The following FAM171A1 variants were observed in gnomAD, a reference collection of about 807,000 sequenced individuals.
FAM171A1 encodes the protein family with sequence similarity 171 member A1.
FAM171A1 carries 23 observed loss-of-function variants against 74.9 expected under a neutral mutation model. That is an observed-to-expected ratio of 0.31 (90% CI 0.22 to 0.44). The LOEUF is 0.44. Ranked by LOEUF, FAM171A1 falls within the 20% of genes least tolerant of loss-of-function variation. The pLI is 1.00. For missense variants in FAM171A1, 1,162 were observed against 1,159.2 expected (o/e 1.00, Z -0.03); for synonymous variants, 527 against 505.7 (o/e 1.04, Z -0.57).
intron 2 of FAM171A1, among the ~76,000 whole-genome samples, chr10:15,281,012 A>G (rs986032769): frequency 6.6e-6 from 1 of 152,186 alleles, no homozygotes; most frequent in Admixed American, 6.5e-5. Flanking sequence ...TGATTGGATC[A>G]CGGGGGCAGT....
intron 1 of FAM171A1, among the ~76,000 whole-genome samples, chr10:15,344,871 T>C (rs148155430): frequency 8.6e-4 from 131 of 152,344 alleles, no homozygotes; most frequent in African/African-American, 3.1e-3. Context: ...TTCATAGGCA[T>C]AGGGGCCACC....
At chr10:15,231,214 T>A (rs1205255466) in intron 5 of FAM171A1, among the ~76,000 whole-genome samples, 1 of 152,058 alleles carries the variant, frequency 6.6e-6, no homozygotes, top group African/African-American at 2.4e-5. Context: ...TTATTTTATT[T>A]TTTTTTTTGA....
intron 1 of FAM171A1, among the ~76,000 whole-genome samples, chr10:15,301,297 C>T (rs1353657035): frequency 3.3e-5 from 5 of 151,620 alleles, no homozygotes; most frequent in African/African-American, 4.8e-5. Context: ...CTCAGCCTCT[C>T]GAGTAGCTGG....
rs1833905987 is a variant in FAM171A1 at position 15,212,724 on chromosome 10, G to C, written c.*191C>G. The C allele has an allele frequency of 1.2e-6, 1 of 834,380 alleles. No individual in the cohort carries two copies. Among genetic ancestry groups the C allele is most frequent in the African/African-American group, 1.7e-5 (1 of 58,416 alleles). 51.7% of individuals were successfully genotyped at this position (834,380 alleles called of 1,614,324 possible). A position where few individuals can be genotyped will look rare whatever the true frequency, so the allele number is the denominator to read the frequency against. On this transcript the variant is annotated 3_prime_UTR_variant, in exon 8 of 8. Coordinates refer to ENST00000378116, the MANE Select transcript of FAM171A1 (RefSeq NM_001010924.2). ...CCTTGCAGGGGCGACATCCGCCAAA[G>C]TCATCCTTTATTCCGAGTAATAACT...
intron 5 of FAM171A1, among the ~76,000 whole-genome samples, chr10:15,227,864 T>C (rs2131724817): frequency 6.6e-6 from 1 of 152,332 alleles, no homozygotes. Flanking sequence ...TTAACTACAA[T>C]GATTATTACA....
intron 3 of FAM171A1, among the ~76,000 whole-genome samples, chr10:15,262,182 T>C (rs1834666412): frequency 6.6e-6 from 1 of 152,124 alleles, no homozygotes; most frequent in South Asian, 2.1e-4. Flanking sequence ...GAGTTACCGG[T>C]AGGGAAGTGA....
At chr10:15,216,308 C>T (rs544242349) in intron 6 of FAM171A1, among the ~76,000 whole-genome samples, 198 bp from the exon 7 acceptor site, 1 of 152,334 alleles carries the variant, frequency 6.6e-6, no homozygotes, top group Non-Finnish European at 1.5e-5. Flanking sequence ...ATTATGGAAG[C>T]TCCCACAGCC....
At chr10:15,370,124 C>T (rs950633887) in intron 1 of FAM171A1, among the ~76,000 whole-genome samples, 5 of 151,924 alleles carry the variant, frequency 3.3e-5, no homozygotes, top group Non-Finnish European at 7.4e-5. Context: ...AAGACAGGCT[C>T]GTGGCCATTC....
At chr10:15,336,190 A>G (rs1342266164) in intron 1 of FAM171A1, among the ~76,000 whole-genome samples, 1 of 152,172 alleles carries the variant, frequency 6.6e-6, no homozygotes, top group Non-Finnish European at 1.5e-5. Context: ...GGGACAGAGA[A>G]ACCTAGAGTC....
chr10:15,373,084 C>G (rs981791045), upstream of FAM171A1, among the ~76,000 whole-genome samples: 1 of 152,144 alleles, frequency 6.6e-6, no homozygotes, highest in African/African-American at 2.4e-5. Context: ...ATGGCACTTG[C>G]CCAGTTGGCT....
chr10:15,348,080 C>G (rs528952237), intron 1 of FAM171A1, among the ~76,000 whole-genome samples: 5 of 152,054 alleles, frequency 3.3e-5, no homozygotes, highest in Non-Finnish European at 5.9e-5. Flanking sequence ...TGGGTTCAAG[C>G]GAGTCTCCTG....
chr10:15,216,125 A>G lies in FAM171A1; in HGVS notation c.872-15T>C, dbSNP rs1474854828. On this transcript the variant is annotated splice_polypyrimidine_tract_variant and intron_variant, in intron 6 of 7. Transcript: ENST00000378116. ...TACAACGGGACCTAGAAGGTCAGAA[A>G]ATGGCATTTAGAGTTTTGAACACCT... 6.5e-7 allele frequency: 1 copy of G among 1,543,270 alleles called. No individual in the cohort carries two copies. Among genetic ancestry groups the G allele is most frequent in the African/African-American group, 1.4e-5 (1 of 72,016 alleles).
intron 2 of FAM171A1, among the ~76,000 whole-genome samples, chr10:15,279,667 C>T (rs1267165243): frequency 6.6e-6 from 1 of 152,052 alleles, no homozygotes; most frequent in Non-Finnish European, 1.5e-5. Flanking sequence ...TGTCTGTAAT[C>T]TCAGCACTTT....
At chr10:15,330,084 G>C (rs150511288) in intron 1 of FAM171A1, among the ~76,000 whole-genome samples, 1 of 152,312 alleles carries the variant, frequency 6.6e-6, no homozygotes, top group African/African-American at 2.4e-5. Flanking sequence ...GCTCACACCT[G>C]TAATCCCAGC....
At chr10:15,273,456 A>G (rs1267473279) in intron 3 of FAM171A1, among the ~76,000 whole-genome samples, 1 of 152,194 alleles carries the variant, frequency 6.6e-6, no homozygotes, top group Admixed American at 6.5e-5. Flanking sequence ...CGAATTCTAC[A>G]AGAGCTACAA....
At chr10:15,371,380 C>A (rs1429773602), upstream of FAM171A1, among the ~76,000 whole-genome samples, 6 of 146,958 alleles carry the variant, frequency 4.1e-5, no homozygotes, top group Non-Finnish European at 9.1e-5. Context: ...GCGCCGAGGG[C>A]GCCCCCGCCC....
chr10:15,283,265 T>C (rs2131808304), intron 2 of FAM171A1, among the ~76,000 whole-genome samples: 1 of 152,348 alleles, frequency 6.6e-6, no homozygotes, highest in Non-Finnish European at 1.5e-5. Flanking sequence ...CCAACTGCTC[T>C]GTCACCAGCT....
At chr10:15,252,391 G>A (rs2138928) in intron 4 of FAM171A1, among the ~76,000 whole-genome samples, 57,828 of 151,940 alleles carry the variant, frequency 0.38, 11,303 homozygotes, top group Non-Finnish European at 0.44. Context: ...TGGTTATGAC[G>A]CTAGTCATTT....
At chr10:15,215,143 A>G (rs1233047437) in intron 7 of FAM171A1, among the ~76,000 whole-genome samples, 1 of 152,156 alleles carries the variant, frequency 6.6e-6, no homozygotes. Flanking sequence ...TAAATGTATG[A>G]CATTCATTTT....
Sources: gnomAD v4.1 joint callset for allele counts (sites outside exome capture counted in the v4.1 genomes callset) on GRCh38, gnomAD v4.1.1 for gene constraint, MANE v1.5 for transcripts, NCBI Gene and HGNC (gene_info 2026-07-23, HGNC 2026-07-21) for gene names.